MLKL: variants seen among roughly 807,000 people sequenced by gnomAD.
MLKL encodes mixed lineage kinase domain-like protein.
Under a neutral mutation model 56.5 loss-of-function variants are expected in MLKL, and 55 were observed. That is an observed-to-expected ratio of 0.97 (90% CI 0.78 to 1.22). MLKL has a LOEUF of 1.22. MLKL is among the 50% of genes most tolerant of loss of function. MLKL has a pLI of 0.00. For missense variants in MLKL, 694 were observed against 573.9 expected, an observed-to-expected ratio of 1.21 and a Z score of -2.14; for synonymous variants, 251 against 208.3, an observed-to-expected ratio of 1.20 and a Z score of -1.76.
At chr16:74,675,464 T>C (rs1479335902) in intron 8 of MLKL, 60 bp from the exon 9 acceptor site, 1 of 1,590,426 alleles carries the variant, frequency 6.3e-7, no homozygotes, top group Non-Finnish European at 8.6e-7. Flanking sequence ...CCTGTCCCTC[T>C]AGCCACTGCC....
intron 10 of MLKL, among the ~76,000 whole-genome samples, chr16:74,673,606 T>C (rs942350859): frequency 5.9e-5 from 9 of 151,504 alleles, no homozygotes; most frequent in Admixed American, 2.6e-4. Context: ...AGGGAGACAG[T>C]GTAAGGAAGC....
intron 5 of MLKL, among the ~76,000 whole-genome samples, chr16:74,683,836 A>G (rs1417435330): frequency 6.6e-6 from 1 of 152,198 alleles, no homozygotes; most frequent in Admixed American, 6.5e-5. Context: ...CTCAGACAAG[A>G]AGTCGACTTC....
intron 10 of MLKL, among the ~76,000 whole-genome samples, chr16:74,674,311 C>G (rs1252122373): frequency 1.3e-5 from 2 of 150,816 alleles, no homozygotes; most frequent in African/African-American, 4.9e-5. Context: ...CGCCAATATA[C>G]TTGGCTAATT....
At chr16:74,689,394 G>T (rs539176454) in intron 4 of MLKL, among the ~76,000 whole-genome samples, 17 of 152,258 alleles carry the variant, frequency 1.1e-4, no homozygotes, top group African/African-American at 4.1e-4. Flanking sequence ...GGGATTACAG[G>T]CGTGAGCCAC....
At chr16:74,693,239 G>C (rs1363778187) in intron 2 of MLKL, among the ~76,000 whole-genome samples, 1 of 152,010 alleles carries the variant, frequency 6.6e-6, no homozygotes, top group Admixed American at 6.6e-5. Flanking sequence ...CAGATCACTT[G>C]AGGTCAGGAG....
In MLKL at chr16:74,675,765, CTAGA is replaced by C. The variant is rs766863449; in HGVS notation, c.1039-5_1039-2del. On this transcript the variant is annotated splice_acceptor_variant and splice_polypyrimidine_tract_variant and intron_variant, in intron 7 of 10. Coordinates refer to ENST00000308807, the MANE Select transcript of MLKL (RefSeq NM_152649.4). LOFTEE classifies it high-confidence loss of function. ...TTTTCCTCAACTCAAATCCTGCAAGCTAGATAGAGAGGCAACTTAGAAAGAAACA... is the reference window on the plus strand; with the variant it reads ...TTTTCCTCAACTCAAATCCTGCAAGCTAGAGAGGCAACTTAGAAAGAAACA... 5 of 1,613,570 alleles carry C rather than the reference CTAGA, an allele frequency of 3.1e-6. No homozygotes were observed. The highest frequency in any genetic ancestry group is 2.2e-5 in the South Asian group (2 of 90,966).
At chr16:74,687,875 G>C (rs1960429780) in intron 4 of MLKL, among the ~76,000 whole-genome samples, 1 of 151,880 alleles carries the variant, frequency 6.6e-6, no homozygotes, top group South Asian at 2.1e-4. Context: ...AAGCAGGCTG[G>C]AGTGCAGTGG....
intron 5 of MLKL, 151 bp downstream of exon 5, chr16:74,685,335 G>T: frequency 1.6e-6 from 1 of 643,546 alleles, no homozygotes; most frequent in Admixed American, 2.7e-5. Context: ...CATGCATCTT[G>T]GGATGAAAAA....
chr16:74,694,376 G>A (rs889642204), intron 2 of MLKL, among the ~76,000 whole-genome samples: 11 of 152,164 alleles, frequency 7.2e-5, no homozygotes, highest in African/African-American at 2.7e-4. Flanking sequence ...CTGAGGTCAA[G>A]GAGGGAGATT....
intron 10 of MLKL, among the ~76,000 whole-genome samples, chr16:74,673,742 TAAAAC>T (rs1959387954): frequency 1.3e-5 from 2 of 151,100 alleles, no homozygotes; most frequent in African/African-American, 4.9e-5. Flanking sequence ...TAGTCAAAAA[TAAAAC>T]AAGAGAGAGG....
At chr16:74,696,394 G>A (rs1345243079) in intron 1 of MLKL, among the ~76,000 whole-genome samples, 3 of 152,078 alleles carry the variant, frequency 2.0e-5, no homozygotes, top group African/African-American at 7.2e-5. Flanking sequence ...AGTCTTTACT[G>A]CCACAGATAA....
chr16:74,683,593 CAA>C (rs35511363), intron 5 of MLKL, among the ~76,000 whole-genome samples: 2,016 of 123,284 alleles, frequency 0.016, 41 homozygotes, highest in African/African-American at 0.052. Context: ...GACTCTGTCT[CAA>C]AAAAAAAAAA....
chr16:74,692,149 G>A (rs542099021), intron 3 of MLKL, among the ~76,000 whole-genome samples, 193 bp downstream of exon 3: 44 of 152,332 alleles, frequency 2.9e-4, no homozygotes, highest in African/African-American at 1.0e-3. Context: ...TGGTCAAGAA[G>A]CTCTCTCCAC....
intron 5 of MLKL, among the ~76,000 whole-genome samples, chr16:74,684,127 T>C (rs1316114964): frequency 6.6e-6 from 1 of 151,862 alleles, no homozygotes; most frequent in African/African-American, 2.4e-5. Context: ...TTTATATTTT[T>C]AGTAGAGACA....
chr16:74,689,482 T>A (rs1960539660), intron 4 of MLKL, among the ~76,000 whole-genome samples: 1 of 152,236 alleles, frequency 6.6e-6, no homozygotes, highest in African/African-American at 2.4e-5. Flanking sequence ...ATGTAAAATA[T>A]ATCTCAATAA....
intron 4 of MLKL, among the ~76,000 whole-genome samples, chr16:74,687,844 G>T (rs1035671296): frequency 6.8e-6 from 1 of 146,548 alleles, no homozygotes; most frequent in African/African-American, 2.5e-5. Flanking sequence ...ATTTTTTTTT[G>T]CGATGGAGTC....
At chr16:74,687,938 G>A (rs1275126135) in intron 4 of MLKL, among the ~76,000 whole-genome samples, 1 of 151,956 alleles carries the variant, frequency 6.6e-6, no homozygotes, top group East Asian at 1.9e-4. Flanking sequence ...CCATTCTCCT[G>A]CCTCAGCCTC....
In MLKL at chr16:74,675,667, G is replaced by A. The variant is rs757057991; in HGVS notation, c.1136C>T (p.Pro379Leu). 4.3e-6 allele frequency: 7 copies of A among 1,613,964 alleles called. No homozygotes were observed. Among genetic ancestry groups the A allele is most frequent in the African/African-American group, 1.3e-5 (1 of 74,918 alleles). Reference protein sequence around the residue: ...DRVKSTAYLSPQELEDVFYQY... With the variant: ...DRVKSTAYLSLQELEDVFYQY... ...ATAAAATACATCTTCCAGTTCCTGA[G>A]GTGAGAGATATGCTGTAGATTTGAC... The change falls in exon 8 of 11, where the codon CCT (proline) becomes CTT (leucine). Residue 379 changes from proline to leucine, a missense_variant. Physicochemically the swap from Pro to Leu is moderately conservative, Grantham distance 98. Coordinates refer to ENST00000308807, the MANE Select transcript of MLKL (RefSeq NM_152649.4).
chr16:74,682,599 A>G (rs1320788370), intron 6 of MLKL, 52 bp downstream of exon 6: 30 of 1,604,948 alleles, frequency 1.9e-5, no homozygotes, highest in Non-Finnish European at 2.4e-5. Context: ...GAGTATCAGG[A>G]GTGTGGACAG....
Sources: gnomAD v4.1 joint callset for allele counts (sites outside exome capture counted in the v4.1 genomes callset) on GRCh38, gnomAD v4.1.1 for gene constraint, MANE v1.5 for transcripts, NCBI Gene and HGNC (gene_info 2026-07-23, HGNC 2026-07-21) for gene names.